NDUFA9: variants seen among roughly 807,000 people sequenced by gnomAD.
NDUFA9 encodes the protein NADH:ubiquinone oxidoreductase subunit A9.
A neutral mutation model predicts 45.9 loss-of-function variants in NDUFA9; 23 were observed. The ratio of observed to expected loss-of-function variants is 0.50; its 90% CI spans 0.36 to 0.71. NDUFA9 has a LOEUF of 0.71. Ranked by LOEUF, NDUFA9 falls within the 30% of genes least tolerant of loss-of-function variation. NDUFA9 has a pLI of 0.00. For missense variants in NDUFA9, 466 were observed against 488.2 expected (o/e 0.95, Z 0.43); for synonymous variants, 176 against 170.5 (o/e 1.03, Z -0.25).
chr12:4,693,565 G>A lies in NDUFA9; in HGVS notation c.*6457G>A, dbSNP rs373742479. The A allele has an allele frequency of 1.3e-4, 20 of 152,332 alleles. No homozygotes were observed. In the East Asian group the frequency reaches 1.3e-3, roughly 10 times the overall value. The allele number at this position is 152,332 out of a possible 1,614,324, so 9.4% of individuals were successfully genotyped here. On this transcript the variant is annotated 3_prime_UTR_variant, in exon 11 of 11. Coordinates refer to ENST00000266544, the MANE Select transcript of NDUFA9 (RefSeq NM_005002.5). Reference sequence around the variant, plus strand: ...CAAGGGTCTTTGCTGACAGATGTCTGGGCCTTCTTGACAGCAGGTGTTTAA... The same window carrying A: ...CAAGGGTCTTTGCTGACAGATGTCTAGGCCTTCTTGACAGCAGGTGTTTAA...
chr12:4,678,247 C>T (rs569888534), intron 8 of NDUFA9, among the ~76,000 whole-genome samples: 4 of 151,292 alleles, frequency 2.6e-5, no homozygotes, highest in African/African-American at 9.7e-5. Context: ...CAAACCTGTA[C>T]GTTCTGCACA....
chr12:4,686,298 TC>T (rs764599362), intron 10 of NDUFA9, among the ~76,000 whole-genome samples: 2 of 152,188 alleles, frequency 1.3e-5, no homozygotes, highest in Non-Finnish European at 2.9e-5. Context: ...TGAATAATAA[TC>T]TGGGATGTTT....
At chr12:4,652,443 A>G (rs1945765106) in intron 1 of NDUFA9, among the ~76,000 whole-genome samples, 1 of 152,162 alleles carries the variant, frequency 6.6e-6, no homozygotes, top group South Asian at 2.1e-4. Flanking sequence ...TGTTTGCTCC[A>G]GTCTGGCTTT....
chr12:4,676,976 G>C (rs911591391), intron 8 of NDUFA9, among the ~76,000 whole-genome samples: 4 of 152,204 alleles, frequency 2.6e-5, no homozygotes, highest in Non-Finnish European at 5.9e-5. Flanking sequence ...GGACAGAACA[G>C]AGGGCTCAGA....
intron 10 of NDUFA9, among the ~76,000 whole-genome samples, chr12:4,685,959 GA>G (rs1232809477): frequency 1.3e-5 from 2 of 152,222 alleles, no homozygotes; most frequent in East Asian, 3.9e-4. Context: ...ATTGTCCCCT[GA>G]ATGCTGCCTG....
chr12:4,662,990 C>T (rs183524211), intron 6 of NDUFA9, among the ~76,000 whole-genome samples: 1 of 152,282 alleles, frequency 6.6e-6, no homozygotes, highest in Admixed American at 6.5e-5. Flanking sequence ...CTCCTACCCA[C>T]CCCTAACCCC....
At chr12:4,649,198 G>GC in intron 1 of NDUFA9, 23 bp downstream of exon 1, 1 of 1,596,012 alleles carries the variant, frequency 6.3e-7, no homozygotes, top group Non-Finnish European at 8.5e-7. Context: ...GGGAACGGCG[G>GC]CCCCTGGTCG....
At chr12:4,670,111 A>G (rs993146416) in intron 8 of NDUFA9, among the ~76,000 whole-genome samples, 1 of 152,196 alleles carries the variant, frequency 6.6e-6, no homozygotes, top group Admixed American at 6.5e-5. Flanking sequence ...ATATTGCTGT[A>G]AATTCTAAAA....
At chr12:4,653,787 A>C (rs1945773270) in intron 1 of NDUFA9, 1 of 330,092 alleles carries the variant, frequency 3.0e-6, no homozygotes, top group African/African-American at 2.2e-5. Context: ...ATTAGTCACC[A>C]GTTTCAGATT....
chr12:4,659,054 T>C lies in NDUFA9; in HGVS notation c.429T>C (p.Asp143=). Reference sequence around the variant, plus strand: ...CTTCCAGAAACTTTGATTTTGAGGATGTTTTTGTGAAGATTCCCCAAGCAA... The same window carrying C: ...CTTCCAGAAACTTTGATTTTGAGGACGTTTTTGTGAAGATTCCCCAAGCAA... The part of the protein sequence containing the change: ...DWETKNFDFE[D]VFVKIPQAIA... Residue 143 remains aspartate, a synonymous_variant, in exon 5 of 11, where the codon GAT becomes GAC. Coordinates refer to ENST00000266544, the MANE Select transcript of NDUFA9 (RefSeq NM_005002.5). The C allele has an allele frequency of 6.2e-7, 1 of 1,613,256 alleles. No individual in the cohort carries two copies. The highest frequency in any genetic ancestry group is 1.1e-5 in the South Asian group (1 of 90,984).
chr12:4,677,746 G>T (rs777638225), intron 8 of NDUFA9, among the ~76,000 whole-genome samples: 4 of 152,164 alleles, frequency 2.6e-5, no homozygotes, highest in Non-Finnish European at 5.9e-5. Context: ...CAAGGATCTC[G>T]AAGTAGAAAT....
At chr12:4,677,552 C>T (rs571776443) in intron 8 of NDUFA9, among the ~76,000 whole-genome samples, 4 of 152,316 alleles carry the variant, frequency 2.6e-5, no homozygotes, top group Non-Finnish European at 4.4e-5. Flanking sequence ...AAAAGCTCAT[C>T]GTCACTGGTC....
At chr12:4,654,989 A>T (rs1305861141) in intron 3 of NDUFA9, 67 bp downstream of exon 3, 1 of 1,294,186 alleles carries the variant, frequency 7.7e-7, no homozygotes, top group Non-Finnish European at 1.1e-6. Context: ...TAGGAGTGAT[A>T]GGCAGTATAA....
In NDUFA9 at chr12:4,685,270, G is replaced by T; in HGVS notation, c.908G>T (p.Arg303Ile). The change falls in exon 10 of 11, where the codon AGA becomes ATA. Residue 303 changes from arginine to isoleucine, a missense_variant. Physicochemically the swap from Arg to Ile is moderately conservative, Grantham distance 97. Coordinates refer to ENST00000266544, the MANE Select transcript of NDUFA9 (RefSeq NM_005002.5). Reference sequence around the variant, plus strand: ...ATTTCTCTTTCCAGATGGGTAGCAAGAGTCTTTGAAATAAGCCCATTTGAG... The same window carrying T: ...ATTTCTCTTTCCAGATGGGTAGCAATAGTCTTTGAAATAAGCCCATTTGAG... Reference protein sequence around the residue: ...LPLFAYRWVARVFEISPFEPW... With the variant: ...LPLFAYRWVAIVFEISPFEPW... 3 of 1,613,912 alleles carry T rather than the reference G, an allele frequency of 1.9e-6. No individual in the cohort carries two copies. The highest frequency in any genetic ancestry group is 2.7e-5 in the African/African-American group (2 of 75,046).
chr12:4,680,676 C>T (rs1347643683), intron 8 of NDUFA9, among the ~76,000 whole-genome samples: 1 of 152,162 alleles, frequency 6.6e-6, no homozygotes, highest in Non-Finnish European at 1.5e-5. Flanking sequence ...TTACAAATCC[C>T]TCTGGAATTT....
At chr12:4,684,901 A>G in intron 9 of NDUFA9, 2 of 560,016 alleles carry the variant, frequency 3.6e-6, no homozygotes, top group Non-Finnish European at 6.3e-6. Flanking sequence ...TAAAGGCAGC[A>G]TATTTGAATA....
In NDUFA9 at chr12:4,654,912, T is replaced by A; in HGVS notation, c.308T>A (p.Leu103His). 2 of 1,612,912 alleles carry A rather than the reference T, an allele frequency of 1.2e-6. No individual in the cohort carries two copies. Among genetic ancestry groups the A allele is most frequent in the East Asian group, 2.2e-5 (1 of 44,900 alleles). The change falls in exon 3 of 11, where the codon CTT becomes CAT. Residue 103 changes from leucine to histidine, a missense_variant. Transcript: ENST00000266544. ...CGTCCCATGGGTGACCTGGGCCAGC[T>A]TCTGTTTCTGGTAAGGGCCTTTATG... The part of the protein sequence containing the change: ...HLRPMGDLGQ[L>H]LFLEWDARDK...
intron 8 of NDUFA9, among the ~76,000 whole-genome samples, chr12:4,676,272 T>C (rs544778137): frequency 6.6e-6 from 1 of 152,342 alleles, no homozygotes; most frequent in South Asian, 2.1e-4. Flanking sequence ...TTCAACGTAG[T>C]GTTGGAAGTT....
At chr12:4,665,423 C>G (rs1406325760) in intron 6 of NDUFA9, among the ~76,000 whole-genome samples, 2 of 152,218 alleles carry the variant, frequency 1.3e-5, no homozygotes, top group African/African-American at 4.8e-5. Context: ...TTCCTTCCTA[C>G]TGAAGGCTGA....
Sources: gnomAD v4.1 joint callset for allele counts (sites outside exome capture counted in the v4.1 genomes callset) on GRCh38, gnomAD v4.1.1 for gene constraint, MANE v1.5 for transcripts, NCBI Gene and HGNC (gene_info 2026-07-23, HGNC 2026-07-21) for gene names.